The following SHPRH variants were observed in gnomAD, a reference collection of about 807,000 sequenced individuals.
The protein encoded by SHPRH is SNF2 histone linker PHD RING helicase.
SHPRH carries 106 observed loss-of-function variants against 202.5 expected under a neutral mutation model. The observed-to-expected ratio is 0.52, with a 90% CI of 0.45 to 0.62. The LOEUF (loss-of-function observed/expected upper bound fraction) is 0.62, where lower values mean the gene tolerates loss of function less well. Among genes scored for constraint, SHPRH ranks in the 20% least tolerant of loss-of-function variants. The pLI is 0.00. For synonymous variants in SHPRH, 729 were observed against 686.0 expected (o/e 1.06, Z -0.98); for missense variants, 1,710 against 2,020.0 (o/e 0.85, Z 2.94).
Position 145,959,713 on chromosome 6 carries a change from C to T in SHPRH, c.-33+4018G>A, listed in dbSNP as rs190145319. ...CAAATATAGAGCATTCACATAATTGCAAAAAGTCTATGTATCAGACAGTGC... is the reference window on the plus strand; with the variant it reads ...CAAATATAGAGCATTCACATAATTGTAAAAAGTCTATGTATCAGACAGTGC... On this transcript the variant is annotated intron_variant, in intron 1 of 29. Coordinates refer to ENST00000275233, the MANE Select transcript of SHPRH (RefSeq NM_001042683.3). 3.3e-5 allele frequency among the ~76,000 whole-genome samples: 5 copies of T among 152,300 alleles called. No homozygotes were observed. In the East Asian group the frequency reaches 9.6e-4, roughly 29 times the overall value.
At chr6:145,919,825 A>C (rs1045768476) in intron 21 of SHPRH, among the ~76,000 whole-genome samples, 1 of 152,152 alleles carries the variant, frequency 6.6e-6, no homozygotes, top group Non-Finnish European at 1.5e-5. Flanking sequence ...ATATTCAACT[A>C]TGTATAAATG....
At chr6:145,939,093 C>G (rs1786445362) in intron 11 of SHPRH, among the ~76,000 whole-genome samples, 1 of 152,026 alleles carries the variant, frequency 6.6e-6, no homozygotes, top group African/African-American at 2.4e-5. Flanking sequence ...AAAAAGAAAA[C>G]AAATGAGACT....
intron 2 of SHPRH, among the ~76,000 whole-genome samples, chr6:145,865,434 C>A (rs943779925): frequency 6.6e-6 from 1 of 152,186 alleles, no homozygotes; most frequent in Non-Finnish European, 1.5e-5. Flanking sequence ...GGACTGCCAG[C>A]CTCCAGAACT....
At chr6:145,930,284 C>T (rs1280767176) in intron 14 of SHPRH, among the ~76,000 whole-genome samples, 2 of 152,128 alleles carry the variant, frequency 1.3e-5, no homozygotes, top group African/African-American at 4.8e-5. Flanking sequence ...CTTTGGGCAA[C>T]TGATTTCTTT....
chr6:145,880,678 G>A (rs1780519557), downstream of SHPRH, among the ~76,000 whole-genome samples: 1 of 150,946 alleles, frequency 6.6e-6, no homozygotes, highest in Non-Finnish European at 1.5e-5. Context: ...TTTTCAGGAA[G>A]GGTACACATG....
chr6:145,922,959 T>A (rs1784553573), intron 18 of SHPRH, 123 bp from the exon 19 acceptor site: 2 of 1,134,386 alleles, frequency 1.8e-6, no homozygotes, highest in African/African-American at 3.2e-5. Flanking sequence ...TTTTTTTTTT[T>A]AACAGCAACA....
chr6:145,919,293 G>A (rs1196012742), intron 22 of SHPRH, 55 bp downstream of exon 22: 2 of 1,605,670 alleles, frequency 1.2e-6, no homozygotes, highest in Admixed American at 3.4e-5. Context: ...ATGGGTCTTA[G>A]ATATCTGTGA....
chr6:145,917,916 G>C, intron 23 of SHPRH: 1 of 379,204 alleles, frequency 2.6e-6, no homozygotes, highest in East Asian at 4.1e-5. Flanking sequence ...CTACTATCGA[G>C]TGCATGCCTT....
At chr6:145,905,307 A>C (rs1333532556) in intron 25 of SHPRH, 1 of 152,258 alleles carries the variant, frequency 6.6e-6, no homozygotes, top group Non-Finnish European at 1.5e-5. Flanking sequence ...GAAGAAAGGG[A>C]GAGAGGGACT....
rs751554018 is a variant in SHPRH, at chr6:145,955,022, T to C, written c.301A>G (p.Ile101Val). The change falls in exon 2 of 30, where the codon ATT becomes GTT. Residue 101 changes from isoleucine to valine, a missense_variant. By Grantham distance (29) the Ile-to-Val change is conservative (BLOSUM62 3). Around this residue, in one of 8 missense-constraint regions of SHPRH, gnomAD observed 459 missense variants for 426.5 expected, o/e 1.08. Transcript: ENST00000275233. ...TCAAAATGATAGGGAGAAATCACAA[T>C]ATTTAACTTTACAGACAAAGGGGAA... Reference protein sequence around the residue: ...IFSPLSVKLNIVISPYHFDNS... With the variant: ...IFSPLSVKLNVVISPYHFDNS... 3.2e-5 allele frequency: 51 copies of C among 1,613,306 alleles called. 1 individual carries two copies. The South Asian group carries it at 5.6e-4, about 18-fold the overall frequency.
In SHPRH at chr6:145,947,180, CT is replaced by C. The variant is rs1787478234; in HGVS notation, c.1212+312del. ...AAAATATTTAGTAGTAATATGGAGACTTTATTAGTGACAAAACATTTGAGGA... is the reference window on the plus strand; with the variant it reads ...AAAATATTTAGTAGTAATATGGAGACTTATTAGTGACAAAACATTTGAGGA... On this transcript the variant is annotated intron_variant, in intron 6 of 29. Coordinates refer to ENST00000275233, the MANE Select transcript of SHPRH (RefSeq NM_001042683.3). 2.0e-5 allele frequency among the ~76,000 whole-genome samples: 3 copies of C among 151,874 alleles called. No homozygotes were observed. In the South Asian group the frequency reaches 6.2e-4, roughly 31 times the overall value.
rs771882527 is a variant in SHPRH at position 145,955,299 on chromosome 6, A to G, written c.24T>C (p.Ala8=). MSSRRKR[A]PPVRVDEEKR... is the part of the protein sequence containing the mutation. ...TTTCCTCATCTACCCTCACTGGAGGAGCACGTTTCCGTCGGCTGCTCATTT... is the reference window on the plus strand; with the variant it reads ...TTTCCTCATCTACCCTCACTGGAGGGGCACGTTTCCGTCGGCTGCTCATTT... The change falls in exon 2 of 30, where the codon GCT becomes GCC. Residue 8 remains alanine (A), a synonymous_variant. Transcript: ENST00000275233. 3.7e-6 allele frequency: 6 copies of G among 1,600,638 alleles called. No individual in the cohort carries two copies. The East Asian group carries it at 6.7e-5, about 18-fold the overall frequency.
At chr6:145,952,584 T>C in intron 2 of SHPRH, 106 bp from the exon 3 acceptor site, 1 of 1,043,306 alleles carries the variant, frequency 9.6e-7, no homozygotes. Context: ...AAGGTATTCA[T>C]AGCATGTGTG....
intron 18 of SHPRH, among the ~76,000 whole-genome samples, chr6:145,923,055 T>G (rs1784562796): frequency 6.6e-6 from 1 of 151,678 alleles, no homozygotes; most frequent in Admixed American, 6.6e-5. Flanking sequence ...TTGATAGTCC[T>G]GTGCTCAGGA....
At chr6:145,914,678 C>G (rs1783793864) in intron 23 of SHPRH, among the ~76,000 whole-genome samples, 1 of 152,180 alleles carries the variant, frequency 6.6e-6, no homozygotes, top group Admixed American at 6.5e-5. Flanking sequence ...TACTTTCACT[C>G]AGTTCAGAGT....
intron 2 of SHPRH, among the ~76,000 whole-genome samples, chr6:145,867,631 T>TATATATATATATAGAGAG (rs1554220329): frequency 1.8e-4 from 4 of 22,316 alleles, no homozygotes; most frequent in Non-Finnish European, 2.3e-4. Flanking sequence ...TATATATATA[T>TATATATATATATAGAGAG]AGAGAGAGAG....
chr6:145,886,604 T>C lies in SHPRH; in HGVS notation c.*87A>G. ...AACTAGGAACAGTGTTACTGTTATC[T>C]ACTGGGTTTTTAAAACTTGTAACTT... On this transcript the variant is annotated 3_prime_UTR_variant, in exon 30 of 30. Transcript: ENST00000275233. 1.3e-6 allele frequency: 2 copies of C among 1,562,724 alleles called. No homozygotes were observed. Among genetic ancestry groups the C allele is most frequent in the South Asian group, 2.4e-5 (2 of 81,958 alleles).
intron 29 of SHPRH, 55 bp from the exon 30 acceptor site, chr6:145,886,842 T>C: frequency 6.3e-7 from 1 of 1,575,246 alleles, no homozygotes; most frequent in Non-Finnish European, 8.6e-7. Context: ...CCATCAGCGA[T>C]TATATTTGTA....
At chr6:145,945,302 C>G (rs1787247411) in intron 8 of SHPRH, 79 bp downstream of exon 8, 14 of 1,433,136 alleles carry the variant, frequency 9.8e-6, no homozygotes, top group Non-Finnish European at 1.3e-5. Context: ...GTTTCAGTTT[C>G]AAGGTGGGAT....
Sources: allele counts gnomAD v4.1 joint callset (sites outside exome capture counted in the v4.1 genomes callset), GRCh38; gene constraint gnomAD v4.1.1; regional missense constraint gnomAD v4.1.1; transcripts MANE v1.5; gene names NCBI Gene and HGNC (gene_info 2026-07-23, HGNC 2026-07-21).